The following GNG7 variants were observed in gnomAD, a reference collection of about 807,000 sequenced individuals.
GNG7 encodes the protein guanine nucleotide-binding protein G(I)/G(S)/G(O) subunit gamma-7.
Under a neutral mutation model 4.0 loss-of-function variants are expected in GNG7, and 1 was observed. The observed-to-expected ratio is 0.25, with a 90% CI of 0.09 to 1.18. The LOEUF is 1.18. Ranked by LOEUF, GNG7 falls within the 50% of genes most tolerant of loss-of-function variation. The pLI is 0.50. For missense variants in GNG7, 86 were observed against 91.9 expected (o/e 0.94, Z 0.26); for synonymous variants, 34 against 36.9 (o/e 0.92, Z 0.29).
chr19:2,657,900 C>CCTCT (rs111871407), intron 1 of GNG7, among the ~76,000 whole-genome samples: 1 of 148,014 alleles, frequency 6.8e-6, no homozygotes, highest in Non-Finnish European at 1.5e-5. Flanking sequence ...TAAGCTGTCT[C>CCTCT]CTCTCTCTCT....
intron 3 of GNG7, among the ~76,000 whole-genome samples, chr19:2,526,871 A>G (rs1978418322): frequency 7.2e-6 from 1 of 139,414 alleles, no homozygotes; most frequent in Non-Finnish European, 1.6e-5. Context: ...TTTGAGAGGG[A>G]GTCTCGCTCT....
intron 3 of GNG7, among the ~76,000 whole-genome samples, chr19:2,522,204 G>C (rs1978312583): frequency 6.6e-6 from 1 of 152,120 alleles, no homozygotes; most frequent in Non-Finnish European, 1.5e-5. Context: ...TCCAGGGAAC[G>C]ATCCAGCCCC....
chr19:2,619,049 T>G (rs1981797820), intron 2 of GNG7, among the ~76,000 whole-genome samples: 1 of 152,234 alleles, frequency 6.6e-6, no homozygotes, highest in South Asian at 2.1e-4. Flanking sequence ...AATGTCATTC[T>G]GGCTACCCTG....
At chr19:2,677,534 C>G (rs553495371) in intron 1 of GNG7, among the ~76,000 whole-genome samples, 88 of 151,940 alleles carry the variant, frequency 5.8e-4, no homozygotes, top group Non-Finnish European at 1.0e-3. Context: ...CCTGTTGACA[C>G]CAGACACTAG....
intron 3 of GNG7, among the ~76,000 whole-genome samples, chr19:2,542,084 C>T (rs886842591): frequency 7.0e-6 from 1 of 143,498 alleles, no homozygotes; most frequent in East Asian, 2.0e-4. Flanking sequence ...TGGCTAGGCT[C>T]ATGGGAGGCA....
At chr19:2,644,356 T>TATATAC (rs1982604676) in intron 2 of GNG7, among the ~76,000 whole-genome samples, 1 of 19,316 alleles carries the variant, frequency 5.2e-5, no homozygotes, top group African/African-American at 2.7e-4. Context: ...TATATATATA[T>TATATAC]ATATATATAT....
At chr19:2,597,099 G>T (rs1323206377) in intron 2 of GNG7, among the ~76,000 whole-genome samples, 1 of 151,862 alleles carries the variant, frequency 6.6e-6, no homozygotes, top group Admixed American at 6.6e-5. Context: ...TCTCTAGAAA[G>T]AATAAAAATT....
chr19:2,527,431 C>T (rs1184986017), intron 3 of GNG7, among the ~76,000 whole-genome samples: 1 of 152,172 alleles, frequency 6.6e-6, no homozygotes, highest in African/African-American at 2.4e-5. Context: ...TGGAGCTGTG[C>T]CCCCGCCCTC....
At chr19:2,558,777 TC>T (rs1366336413) in intron 2 of GNG7, among the ~76,000 whole-genome samples, 1 of 151,842 alleles carries the variant, frequency 6.6e-6, no homozygotes, top group Non-Finnish European at 1.5e-5. Context: ...TTTCTTTCTT[TC>T]TTCTCTCTCT....
chr19:2,540,071 TCC>T (rs1199124156), intron 3 of GNG7, among the ~76,000 whole-genome samples: 1 of 80,426 alleles, frequency 1.2e-5, no homozygotes, highest in African/African-American at 5.1e-5. Context: ...CCCTCCTCCC[TCC>T]CTCTCTCTCT....
intron 2 of GNG7, among the ~76,000 whole-genome samples, chr19:2,613,670 G>A (rs1270262795): frequency 6.6e-6 from 1 of 152,150 alleles, no homozygotes; most frequent in Non-Finnish European, 1.5e-5. Flanking sequence ...CCTGCCCCCA[G>A]GGGACACTGG....
chr19:2,666,462 AC>A (rs1261171908), intron 1 of GNG7, among the ~76,000 whole-genome samples: 2 of 152,148 alleles, frequency 1.3e-5, no homozygotes, highest in African/African-American at 4.8e-5. Context: ...GGTGTGAGCC[AC>A]CATGCCTGCT....
intron 2 of GNG7, among the ~76,000 whole-genome samples, chr19:2,603,159 C>T (rs993190842): frequency 6.6e-6 from 1 of 152,000 alleles, no homozygotes; most frequent in Non-Finnish European, 1.5e-5. Flanking sequence ...CTCCGCCTCC[C>T]GGGTTCAAGC....
intron 2 of GNG7, among the ~76,000 whole-genome samples, chr19:2,588,029 C>A (rs1010842762): frequency 6.6e-6 from 1 of 152,038 alleles, no homozygotes; most frequent in East Asian, 1.9e-4. Context: ...CAAGCCAGGG[C>A]AACTGGGCAT....
chr19:2,525,637 G>A (rs533777316), intron 3 of GNG7, among the ~76,000 whole-genome samples: 2 of 152,158 alleles, frequency 1.3e-5, no homozygotes, highest in Admixed American at 6.5e-5. Flanking sequence ...TGGCAGCACC[G>A]GCAGGGAGGG....
chr19:2,702,339 T>A (rs1447788342), intron 1 of GNG7, among the ~76,000 whole-genome samples: 1 of 92,070 alleles, frequency 1.1e-5, no homozygotes, highest in South Asian at 4.1e-4. Context: ...CTGCACCCCC[T>A]GCCCCGTCCC....
intron 1 of GNG7, among the ~76,000 whole-genome samples, chr19:2,649,388 G>A (rs1982749435): frequency 1.5e-5 from 1 of 66,648 alleles, no homozygotes; most frequent in African/African-American, 5.6e-5. Context: ...CTCACCCCTA[G>A]GAATTATTAT....
At chr19:2,599,471 G>A (rs766711897) in intron 2 of GNG7, among the ~76,000 whole-genome samples, 22 of 152,046 alleles carry the variant, frequency 1.4e-4, no homozygotes, top group Non-Finnish European at 2.6e-4. Context: ...GCGGACCTGG[G>A]AGGGGGGCCC....
chr19:2,644,473 T>A (rs1982613512), intron 2 of GNG7, among the ~76,000 whole-genome samples: 2 of 150,932 alleles, frequency 1.3e-5, no homozygotes, highest in Non-Finnish European at 1.5e-5. Flanking sequence ...TTCTGAGTAT[T>A]ATCTGCGGCA....
Sources: gnomAD v4.1 joint callset for allele counts (sites outside exome capture counted in the v4.1 genomes callset) on GRCh38, gnomAD v4.1.1 for gene constraint, MANE v1.5 for transcripts, NCBI Gene and HGNC (gene_info 2026-07-23, HGNC 2026-07-21) for gene names.